Variants in PPP6R1 observed in about 807,000 individuals in gnomAD.
The protein encoded by PPP6R1 is protein phosphatase 6 regulatory subunit 1, also known as serine/threonine-protein phosphatase 6 regulatory subunit 1.
In PPP6R1, 39 loss-of-function variants were observed where a neutral mutation model predicts 104.6. The ratio of observed to expected loss-of-function variants is 0.37; its 90% CI spans 0.29 to 0.49. The LOEUF (loss-of-function observed/expected upper bound fraction) is 0.49. PPP6R1 is among the 20% of genes least tolerant of loss of function. The pLI is 0.98. For missense variants in PPP6R1, 1,181 were observed against 1,155.8 expected (o/e 1.02, Z -0.32); for synonymous variants, 549 against 479.0 (o/e 1.15, Z -1.91).
At position 55,241,733 on chromosome 19, in the gene PPP6R1, G is replaced by T. The variant is rs1302194293; in HGVS notation, c.846-94C>A. 3 of 1,381,254 alleles carry T rather than the reference G, an allele frequency of 2.2e-6. No individual in the cohort carries two copies. The highest frequency in any genetic ancestry group is 2.9e-6 in the Non-Finnish European group (3 of 1,035,868). 85.6% of individuals were successfully genotyped at this position (1,381,254 alleles called of 1,614,324 possible). On this transcript the variant is annotated intron_variant, in intron 7 of 23. Coordinates refer to ENST00000412770, the MANE Select transcript of PPP6R1 (RefSeq NM_014931.4). The surrounding 1 kb of genome is among the most constrained non-coding windows in gnomAD (Gnocchi z 5.4). ...AAGGACCACGTCTGCAGGGTCTGGAGGAAAACGAGGAGCCACATGCCCCCA... is the reference window on the plus strand; with the variant it reads ...AAGGACCACGTCTGCAGGGTCTGGATGAAAACGAGGAGCCACATGCCCCCA...
chr19:55,249,626 G>A (rs1428251022), intron 1 of PPP6R1, among the ~76,000 whole-genome samples: 3 of 152,068 alleles, frequency 2.0e-5, no homozygotes, highest in African/African-American at 7.2e-5. Flanking sequence ...AGATCACCCG[G>A]GGTCAGGAGT....
chr19:55,257,078 TA>T (rs35336959), intron 1 of PPP6R1, among the ~76,000 whole-genome samples: 2,361 of 94,256 alleles, frequency 0.025, 29 homozygotes, highest in African/African-American at 0.055. Context: ...GAACTAGAGT[TA>T]AAAAAAAAAA....
chr19:55,240,514 TACACACACACACACACACAC>T (rs777717878), intron 10 of PPP6R1, among the ~76,000 whole-genome samples: 37 of 136,022 alleles, frequency 2.7e-4, no homozygotes, highest in Middle Eastern at 8.0e-3. Context: ...ATGTGGTGCA[TACACACACACACACACACAC>T]ACACACACAC....
At chr19:55,233,170 T>G (rs1328473817) in intron 17 of PPP6R1, 1 of 152,250 alleles carries the variant, frequency 6.6e-6, no homozygotes, top group East Asian at 1.9e-4. Context: ...GACTATATAC[T>G]ATGTCTAAAA....
rs1242461870 is a variant in PPP6R1, at chr19:55,232,203, C to T, written c.1997G>A (p.Gly666Asp). Reference sequence around the variant, plus strand: ...TTCTTCGTCCTCACTGTCTGTGCTGCCTCCACTCCTGCCCCAGAAACCACC... The same window carrying T: ...TTCTTCGTCCTCACTGTCTGTGCTGTCTCCACTCCTGCCCCAGAAACCACC... ...LGQPPGVRSG[G>D]STDSEDEEEE... is the part of the protein sequence containing the mutation. The change falls in exon 18 of 24, where the codon GGC (glycine) becomes GAC (aspartate). Residue 666 changes from glycine to aspartate, a missense_variant. Gly to Asp is a moderately conservative substitution (Grantham distance 94). Coordinates refer to ENST00000412770, the MANE Select transcript of PPP6R1 (RefSeq NM_014931.4). 1.3e-6 allele frequency: 2 copies of T among 1,547,398 alleles called. No individual in the cohort carries two copies. The highest frequency in any genetic ancestry group is 1.7e-6 in the Non-Finnish European group (2 of 1,144,438).
chr19:55,242,674 A>C (rs562353508), intron 5 of PPP6R1, 186 bp from the exon 6 acceptor site: 3 of 600,258 alleles, frequency 5.0e-6, no homozygotes, highest in Middle Eastern at 4.5e-4. Context: ...TGGAGAGAAC[A>C]GGAAGCCCGG....
In PPP6R1 at chr19:55,243,819, A is replaced by G. The variant is rs562925460; in HGVS notation, c.618+1301T>C. On this transcript the variant is annotated intron_variant, in intron 5 of 23. Transcript: ENST00000412770. ...AGGTGTGCACCACCAATGCCAGCTA[A>G]TTTTTCAATTTTTTGTAGCGACAAC... Among the ~76,000 whole-genome samples the G allele has an allele frequency of 5.9e-5, 9 of 151,784 alleles. No individual in the cohort carries two copies. In the South Asian group the frequency reaches 1.9e-3, roughly 32 times the overall value.
At chr19:55,231,576 G>A in intron 20 of PPP6R1, 22 bp downstream of exon 20, 2 of 1,607,220 alleles carry the variant, frequency 1.2e-6, no homozygotes, top group Non-Finnish European at 1.7e-6. Context: ...GCCGCGGGTG[G>A]GCAGGGCAAA....
chr19:55,256,099 G>A (rs1382693068), intron 1 of PPP6R1, among the ~76,000 whole-genome samples: 1 of 152,156 alleles, frequency 6.6e-6, no homozygotes, highest in Non-Finnish European at 1.5e-5. Flanking sequence ...AAATGGGCAG[G>A]GGGACCAGAC....
At chr19:55,247,213 C>T (rs774309552) in intron 1 of PPP6R1, 104 bp from the exon 2 acceptor site, 11 of 1,203,624 alleles carry the variant, frequency 9.1e-6, no homozygotes, top group African/African-American at 1.5e-5. Context: ...GGCACAGCCT[C>T]TCCCCAAGTC....
rs372894628 is a variant in PPP6R1, at chr19:55,257,236, C to G, written c.-7+1199G>C. Among the ~76,000 whole-genome samples, 14 of 152,368 alleles carry G rather than the reference C, an allele frequency of 9.2e-5. No homozygotes were observed. The South Asian group carries it at 2.5e-3, about 27-fold the overall frequency. On this transcript the variant is annotated intron_variant, in intron 1 of 23. Transcript: ENST00000412770. Reference sequence around the variant, plus strand: ...CCTCATCCTGTGTTATCCAGGCAATCTCGAGTCCTTGCTGCATTTGCAGCG... The same window carrying G: ...CCTCATCCTGTGTTATCCAGGCAATGTCGAGTCCTTGCTGCATTTGCAGCG...
rs1425975490 is a variant in PPP6R1, at chr19:55,241,409, C to T, written c.1009-18G>A. On this transcript the variant is annotated intron_variant, in intron 8 of 23. Transcript: ENST00000412770. This position sits in a 1 kb window ranked among gnomAD's most constrained non-coding sequence, Gnocchi z 5.4. The stretch of plus-strand genomic sequence containing the variant: ...GGCTCCAGCTGCAGACACAGGGAGG[C>T]CTGATTCCCAAGGGCTGCCCTTCCT... 3.7e-6 allele frequency: 6 copies of T among 1,601,562 alleles called. No individual in the cohort carries two copies. In the Admixed American group the frequency reaches 1.0e-4, roughly 27 times the overall value.
intron 17 of PPP6R1, chr19:55,236,395 A>G: frequency 6.3e-6 from 3 of 473,598 alleles, no homozygotes; most frequent in Non-Finnish European, 1.1e-5. Flanking sequence ...AGCTCAAGCA[A>G]TCCATCTGCC....
rs777654061 is a variant in PPP6R1 at position 55,239,693 on chromosome 19, G to A, written c.1564-10C>T. The stretch of plus-strand genomic sequence containing the variant: ...GGTGGTGGGTGTTCACCTGGGGAGA[G>A]GAGGGGGCGTCAGGGCCTGCTGGAG... On this transcript the variant is annotated splice_polypyrimidine_tract_variant and intron_variant, in intron 13 of 23. Coordinates refer to ENST00000412770, the MANE Select transcript of PPP6R1 (RefSeq NM_014931.4). The A allele has an allele frequency of 6.2e-7, 1 of 1,607,498 alleles. No individual in the cohort carries two copies.
intron 1 of PPP6R1, among the ~76,000 whole-genome samples, chr19:55,257,013 T>C (rs540232355): frequency 1.3e-5 from 2 of 150,148 alleles, no homozygotes; most frequent in South Asian, 2.1e-4. Context: ...TAGGTCTGTC[T>C]GGCAAAAGAT....
intron 17 of PPP6R1, among the ~76,000 whole-genome samples, chr19:55,235,662 G>A (rs2087390828): frequency 6.6e-6 from 1 of 151,670 alleles, no homozygotes; most frequent in Non-Finnish European, 1.5e-5. Context: ...GGGACCACAG[G>A]TGCCCGCCAC....
intron 15 of PPP6R1, among the ~76,000 whole-genome samples, chr19:55,237,425 G>A (rs898636787): frequency 1.3e-5 from 2 of 152,094 alleles, no homozygotes; most frequent in Admixed American, 1.3e-4. Context: ...AGATGTCTAC[G>A]GTCCGCGGCT....
In PPP6R1 at chr19:55,258,573, C is replaced by T. The variant is rs1017262307; in HGVS notation, c.-145G>A. The T allele has an allele frequency of 2.0e-5, 3 of 149,132 alleles. No individual in the cohort carries two copies. Among genetic ancestry groups the T allele is most frequent in the African/African-American group, 5.0e-5 (2 of 40,332 alleles). 9.2% of individuals were successfully genotyped at this position (149,132 alleles called of 1,614,324 possible). On this transcript the variant is annotated 5_prime_UTR_variant, in exon 1 of 24. Transcript: ENST00000412770. ...CGGCGTCGGGGACTCGCGCAGGCGC[C>T]GGGGCTCGCGGGGTCCGCGCAGGCG... is the stretch of plus-strand genomic sequence containing the variant.
In PPP6R1 at chr19:55,242,144, G is replaced by T. The variant is rs147414183; in HGVS notation, c.845+22C>A. On this transcript the variant is annotated intron_variant, in intron 7 of 23. Coordinates refer to ENST00000412770, the MANE Select transcript of PPP6R1 (RefSeq NM_014931.4). ...CCCCTGGGGATGGGCAGCATGCATG[G>T]TCTGTGGCCCGTATCCCTCACCTCG... 3.1e-4 allele frequency: 502 copies of T among 1,602,172 alleles called. 3 individuals are homozygous for T. In the African/African-American group the frequency reaches 6.1e-3, roughly 19 times the overall value.
Sources: allele counts gnomAD v4.1 joint callset (sites outside exome capture counted in the v4.1 genomes callset), GRCh38; gene constraint gnomAD v4.1.1; non-coding constraint Gnocchi (gnomAD v3.1); transcripts MANE v1.5; gene names NCBI Gene and HGNC (gene_info 2026-07-23, HGNC 2026-07-21).